The following TRABD2B variants were observed in gnomAD, a reference collection of about 807,000 sequenced individuals.
TRABD2B encodes the protein TraB domain containing 2B.
Under a neutral mutation model 40.1 loss-of-function variants are expected in TRABD2B, and 14 were observed. That is an observed-to-expected ratio of 0.35 (90% CI 0.23 to 0.55). TRABD2B has a LOEUF of 0.55. Ranked by LOEUF, TRABD2B falls within the 20% of genes least tolerant of loss-of-function variation. TRABD2B has a pLI of 0.90. For missense variants in TRABD2B, 541 were observed against 648.6 expected, an observed-to-expected ratio of 0.83 and a Z score of 1.80; for synonymous variants, 263 against 277.0, an observed-to-expected ratio of 0.95 and a Z score of 0.50.
At chr1:47,906,908 C>T (rs1245845111) in intron 2 of TRABD2B, among the ~76,000 whole-genome samples, 5 of 152,220 alleles carry the variant, frequency 3.3e-5, no homozygotes. Flanking sequence ...TGTCGGTCCC[C>T]CTCCGGCAAT....
chr1:47,965,754 T>A (rs1360108897), intron 2 of TRABD2B, among the ~76,000 whole-genome samples: 1 of 152,138 alleles, frequency 6.6e-6, no homozygotes, highest in Non-Finnish European at 1.5e-5. Flanking sequence ...TTGAGTCTCT[T>A]CTACTTCTAG....
intron 2 of TRABD2B, among the ~76,000 whole-genome samples, chr1:47,816,141 TCTTTTA>T (rs1645029546): frequency 6.6e-6 from 1 of 152,256 alleles, no homozygotes; most frequent in African/African-American, 2.4e-5. Context: ...CCCCTCTCTC[TCTTTTA>T]CTTTTACTTC....
intron 2 of TRABD2B, among the ~76,000 whole-genome samples, chr1:47,867,441 A>G (rs369179676): frequency 5.3e-5 from 8 of 152,322 alleles, no homozygotes; most frequent in African/African-American, 1.7e-4. Context: ...AGGATTAAAT[A>G]CGATAATGTT....
At chr1:47,934,623 T>C (rs1379515895) in intron 2 of TRABD2B, among the ~76,000 whole-genome samples, 6 of 152,234 alleles carry the variant, frequency 3.9e-5, no homozygotes, top group Admixed American at 1.3e-4. Context: ...CCATGTCTGA[T>C]TATAAATGCC....
At chr1:47,984,771 C>A (rs1442435569) in intron 2 of TRABD2B, among the ~76,000 whole-genome samples, 1 of 152,062 alleles carries the variant, frequency 6.6e-6, no homozygotes, top group Non-Finnish European at 1.5e-5. Flanking sequence ...CTCCTCAGGG[C>A]CAAGGAAGCT....
At chr1:47,852,910 T>C (rs1343675666) in intron 2 of TRABD2B, among the ~76,000 whole-genome samples, 4 of 152,074 alleles carry the variant, frequency 2.6e-5, no homozygotes, top group Admixed American at 6.6e-5. Context: ...TGGTGACTAA[T>C]ACCTCTTTGA....
At chr1:47,955,120 CAT>C (rs374361505) in intron 2 of TRABD2B, among the ~76,000 whole-genome samples, 214 of 152,334 alleles carry the variant, frequency 1.4e-3, no homozygotes, top group African/African-American at 4.8e-3. Flanking sequence ...CCCATCCACA[CAT>C]GTCTTCTGTA....
At chr1:47,821,971 A>C in intron 2 of TRABD2B, among the ~76,000 whole-genome samples, 1 of 152,296 alleles carries the variant, frequency 6.6e-6, no homozygotes. Context: ...CCCCTGGAGC[A>C]CTGGGTAATG....
chr1:47,827,485 G>A (rs1052532519), intron 2 of TRABD2B, among the ~76,000 whole-genome samples: 2 of 152,180 alleles, frequency 1.3e-5, no homozygotes, highest in Admixed American at 6.5e-5. Context: ...CTGGCCAAGG[G>A]AGCTCCTAAA....
Position 47,994,515 on chromosome 1 carries a change from G to T in TRABD2B, c.185C>A (p.Thr62Asn). The T allele has an allele frequency of 6.5e-7, 1 of 1,536,178 alleles. No individual in the cohort carries two copies. The highest frequency in any genetic ancestry group is 2.0e-5 in the Admixed American group (1 of 51,008). Reference protein sequence around the residue: ...YLFGTIHVPYTRVWDFIPDNS... With the variant: ...YLFGTIHVPYNRVWDFIPDNS... ...GTCCGGGATGAAGTCCCAGACGCGG[G>T]TGTAGGGGACGTGAATAGTGCCAAA... The change falls in exon 2 of 7, where the codon ACC (threonine) becomes AAC (asparagine). Residue 62 changes from threonine to asparagine, a missense_variant. Coordinates refer to ENST00000606738, the MANE Select transcript of TRABD2B (RefSeq NM_001194986.2). This position sits in a 1 kb window ranked among gnomAD's most constrained non-coding sequence, Gnocchi z 6.7.
intron 6 of TRABD2B, among the ~76,000 whole-genome samples, chr1:47,774,573 CAT>C (rs1644417636): frequency 6.6e-6 from 1 of 152,122 alleles, no homozygotes; most frequent in Non-Finnish European, 1.5e-5. Context: ...GCAGGAGGGG[CAT>C]ATAGGAAGAG....
intron 2 of TRABD2B, among the ~76,000 whole-genome samples, chr1:47,943,024 C>A (rs951498619): frequency 1.3e-5 from 2 of 152,232 alleles, no homozygotes; most frequent in Non-Finnish European, 1.5e-5. Flanking sequence ...GCTTTGAAGT[C>A]AGGGAACAGT....
intron 2 of TRABD2B, among the ~76,000 whole-genome samples, chr1:47,831,445 C>T (rs188132943): frequency 4.3e-4 from 66 of 152,144 alleles, no homozygotes; most frequent in African/African-American, 1.4e-3. Context: ...TTTGTGTGTT[C>T]GCAGGCATGT....
chr1:47,849,320 C>T (rs967738607), intron 2 of TRABD2B, among the ~76,000 whole-genome samples: 11 of 152,148 alleles, frequency 7.2e-5, no homozygotes, highest in African/African-American at 1.7e-4. Context: ...TGGACAATCA[C>T]GAGAAGAGGC....
intron 2 of TRABD2B, among the ~76,000 whole-genome samples, chr1:47,964,717 A>G (rs11211634): frequency 0.4 from 60,385 of 151,966 alleles, 12,407 homozygotes; most frequent in African/African-American, 0.49. Flanking sequence ...CGGTAACACC[A>G]TATTACTGTA....
chr1:47,892,435 G>A lies in TRABD2B; in HGVS notation c.667-90816C>T, dbSNP rs116834734. 3.5e-3 allele frequency among the ~76,000 whole-genome samples: 536 copies of A among 152,334 alleles called. 6 individuals are homozygous for A. Among genetic ancestry groups the A allele is most frequent in the African/African-American group, 0.012 (494 of 41,584 alleles). ...GAGATGTGTATTTGCCACCCAAGTG[G>A]AGATTCTATATCACATCTGGATATA... On this transcript the variant is annotated intron_variant, in intron 2 of 6. Coordinates refer to ENST00000606738, the MANE Select transcript of TRABD2B (RefSeq NM_001194986.2).
chr1:47,803,383 T>C (rs1644849281), intron 2 of TRABD2B, among the ~76,000 whole-genome samples: 1 of 152,248 alleles, frequency 6.6e-6, no homozygotes, highest in Non-Finnish European at 1.5e-5. Flanking sequence ...CTGATGCTGC[T>C]GCTGCTGTCT....
At chr1:47,848,786 C>T (rs994689168) in intron 2 of TRABD2B, among the ~76,000 whole-genome samples, 4 of 152,208 alleles carry the variant, frequency 2.6e-5, no homozygotes, top group African/African-American at 9.6e-5. Context: ...AATGGGAAAT[C>T]ATGGCCTGTC....
intron 2 of TRABD2B, among the ~76,000 whole-genome samples, chr1:47,887,184 C>T (rs1364899636): frequency 6.6e-6 from 1 of 152,162 alleles, no homozygotes; most frequent in Non-Finnish European, 1.5e-5. Context: ...ACAATCCGCT[C>T]AACAATCAGG....
Sources: allele counts gnomAD v4.1 joint callset (sites outside exome capture counted in the v4.1 genomes callset), GRCh38; gene constraint gnomAD v4.1.1; non-coding constraint Gnocchi (gnomAD v3.1); transcripts MANE v1.5; gene names NCBI Gene and HGNC (gene_info 2026-07-23, HGNC 2026-07-21).